The following AGK variants were observed in gnomAD, a reference collection of about 807,000 sequenced individuals.
AGK encodes acylglycerol kinase, mitochondrial.
In AGK, 52 loss-of-function variants were observed where a neutral mutation model predicts 66.4. That is an observed-to-expected ratio of 0.78 (90% confidence interval 0.63 to 0.99). The LOEUF is 0.99. AGK is among the 50% of genes least tolerant of loss of function. The probability of loss-of-function intolerance (pLI) is 0.00; values close to 1 mark genes in which losing one functional copy is unlikely to be tolerated. For missense variants in AGK, 451 were observed against 506.6 expected, an observed-to-expected ratio of 0.89 and a Z score of 1.05; for synonymous variants, 182 against 181.1, an observed-to-expected ratio of 1.00 and a Z score of -0.04.
chr7:141,615,399 C>T (rs1317686242), intron 7 of AGK, 72 bp from the exon 8 acceptor site: 3 of 1,229,082 alleles, frequency 2.4e-6, no homozygotes, highest in African/African-American at 1.5e-5. Flanking sequence ...ATAGTGGACA[C>T]ACCTGTGCTT....
At chr7:141,641,740 A>T in intron 12 of AGK, 71 bp from the exon 13 acceptor site, 1 of 1,265,380 alleles carries the variant, frequency 7.9e-7, no homozygotes. Flanking sequence ...AGCAGCTAGC[A>T]GCTAGCCGTC....
At position 141,598,130 on chromosome 7, in the gene AGK, A is replaced by T. The variant is rs1187426601; in HGVS notation, c.221+1489A>T. Among the ~76,000 whole-genome samples, 1 of 152,094 alleles carries T rather than the reference A, an allele frequency of 6.6e-6. No individual in the cohort carries two copies. The highest frequency in any genetic ancestry group is 1.5e-5 in the Non-Finnish European group (1 of 68,020). On this transcript the variant is annotated intron_variant, in intron 4 of 15. Transcript: ENST00000649286. The surrounding 1 kb of genome is among the most constrained non-coding windows in gnomAD (Gnocchi z 4.2). ...AGAGGCAGTGAGTGTGACTTCACAG[A>T]CAGGAGGACACATCCTGCTTTATTT...
intron 2 of AGK, among the ~76,000 whole-genome samples, chr7:141,562,890 G>C (rs746993820): frequency 6.6e-6 from 1 of 152,214 alleles, no homozygotes; most frequent in African/African-American, 2.4e-5. Flanking sequence ...TTGAGCTGGA[G>C]ACTGTGTGCC....
intron 2 of AGK, among the ~76,000 whole-genome samples, chr7:141,575,785 A>G (rs1300253544): frequency 6.6e-6 from 1 of 151,068 alleles, no homozygotes; most frequent in Non-Finnish European, 1.5e-5. Context: ...AATATTTGGA[A>G]GCCATGGTTA....
In AGK at chr7:141,653,734, G is replaced by GTATT. The variant is rs1797621239; in HGVS notation, c.*812_*815dup. On this transcript the variant is annotated 3_prime_UTR_variant, in exon 16 of 16. Transcript: ENST00000649286. ...GTATTCTGCTCATGTGCCCCCAAAAGTATTTTGAAAAATCATGTATACCCT... is the reference window on the plus strand; with the variant it reads ...GTATTCTGCTCATGTGCCCCCAAAAGTATTTATTTTGAAAAATCATGTATACCCT... 2 of 152,082 alleles carry GTATT rather than the reference G, an allele frequency of 1.3e-5. No homozygotes were observed. 9.4% of individuals were successfully genotyped at this position (152,082 alleles called of 1,614,324 possible).
intron 5 of AGK, among the ~76,000 whole-genome samples, chr7:141,607,061 A>G (rs1796479233): frequency 6.6e-6 from 1 of 152,056 alleles, no homozygotes; most frequent in African/African-American, 2.4e-5. Flanking sequence ...TCACCTACTG[A>G]AGTACATCTT....
Position 141,575,049 on chromosome 7 carries a change from TC to T in AGK, c.102-18095del, listed in dbSNP as rs375857185. On this transcript the variant is annotated intron_variant, in intron 2 of 15. Transcript: ENST00000649286. ...TGGGGTTAGGTTTAGCTGGGCTTTT[TC>T]CTAAACCCACTTGCAGGGAAGAAAA... Among the ~76,000 whole-genome samples, 31 of 152,356 alleles carry T rather than the reference TC, an allele frequency of 2.0e-4. No individual in the cohort carries two copies. The East Asian group carries it at 4.8e-3, about 24-fold the overall frequency.
intron 13 of AGK, among the ~76,000 whole-genome samples, chr7:141,645,730 T>C (rs1006564978): frequency 1.1e-4 from 16 of 152,188 alleles, no homozygotes; most frequent in African/African-American, 2.2e-4. Context: ...TTGCTAAGCA[T>C]TTTTATCTTT....
chr7:141,602,209 G>GTGTGTGTGTGTGTGTGTGTGTGTA (rs1796363745), intron 5 of AGK, among the ~76,000 whole-genome samples: 2 of 151,278 alleles, frequency 1.3e-5, no homozygotes, highest in African/African-American at 4.9e-5. Flanking sequence ...GTGTGTGTGT[G>GTGTGTGTGTGTGTGTGTGTGTGTA]TGTATGTAGA....
chr7:141,577,697 C>T (rs750488949), intron 2 of AGK, among the ~76,000 whole-genome samples: 1 of 152,090 alleles, frequency 6.6e-6, no homozygotes, highest in Non-Finnish European at 1.5e-5. Context: ...TGAGGCTTCA[C>T]CCCAGTGTGC....
intron 2 of AGK, among the ~76,000 whole-genome samples, chr7:141,565,487 C>T (rs1299059761): frequency 6.6e-6 from 1 of 152,038 alleles, no homozygotes; most frequent in African/African-American, 2.4e-5. Flanking sequence ...CCTATCTCTA[C>T]TAAAAATACA....
intron 2 of AGK, among the ~76,000 whole-genome samples, chr7:141,557,793 T>G (rs1002538606): frequency 4.6e-5 from 7 of 152,230 alleles, no homozygotes; most frequent in African/African-American, 1.7e-4. Context: ...TTTCTTTTTC[T>G]CAGACTGTTC....
At chr7:141,589,887 C>CA (rs1796073508) in intron 2 of AGK, among the ~76,000 whole-genome samples, 1 of 152,108 alleles carries the variant, frequency 6.6e-6, no homozygotes, top group African/African-American at 2.4e-5. Context: ...ATAATGAGAT[C>CA]TTCTTTTGTA....
rs1257899505 is a variant in AGK at position 141,598,224 on chromosome 7, T to A, written c.221+1583T>A. 6.6e-6 allele frequency among the ~76,000 whole-genome samples: 1 copy of A among 152,220 alleles called. No homozygotes were observed. The highest frequency in any genetic ancestry group is 2.4e-5 in the African/African-American group (1 of 41,456). On this transcript the variant is annotated intron_variant, in intron 4 of 15. Coordinates refer to ENST00000649286, the MANE Select transcript of AGK (RefSeq NM_018238.4). The surrounding 1 kb of genome is among the most constrained non-coding windows in gnomAD (Gnocchi z 4.2). ...TTCTGCCTAACTGAATCATATCTGC[T>A]GGGCTTTGTTAGAGCCGCTTCCCTC...
chr7:141,571,400 A>T (rs942082844), intron 2 of AGK, among the ~76,000 whole-genome samples: 35 of 152,230 alleles, frequency 2.3e-4, no homozygotes, highest in Non-Finnish European at 3.7e-4. Context: ...ACTGAGTCAG[A>T]ATCTGCTTTT....
chr7:141,601,257 G>A lies in AGK; in HGVS notation c.274G>A (p.Gly92Ser). 6.2e-7 allele frequency: 1 copy of A among 1,612,814 alleles called. No homozygotes were observed. Among genetic ancestry groups the A allele is most frequent in the South Asian group, 1.1e-5 (1 of 90,978 alleles). ...KNAAPILHLS[G>S]MDVTIVKTDY... ...TGCTGCCCCGATTTTACATTTATCT[G>A]GCATGGATGTGACTATTGTTAAGGT... Residue 92 changes from glycine to serine, a missense_variant, in exon 5 of 16, where the codon GGC (glycine) becomes AGC (serine). By Grantham distance (56) the Gly-to-Ser change is moderately conservative. Transcript: ENST00000649286.
chr7:141,607,639 C>T (rs1209854945), intron 5 of AGK, among the ~76,000 whole-genome samples: 4 of 151,960 alleles, frequency 2.6e-5, no homozygotes. Flanking sequence ...TTAAATTTTA[C>T]TGAATTTTAA....
intron 5 of AGK, among the ~76,000 whole-genome samples, chr7:141,609,060 T>A (rs1310801703): frequency 6.6e-6 from 1 of 152,236 alleles, no homozygotes; most frequent in East Asian, 1.9e-4. Flanking sequence ...ATTTTTAGAA[T>A]AAAAGTGGAA....
At chr7:141,583,556 G>C (rs941898731) in intron 2 of AGK, among the ~76,000 whole-genome samples, 1 of 151,124 alleles carries the variant, frequency 6.6e-6, no homozygotes. Context: ...AGAAGGGGTG[G>C]GGGGTGCTTG....
Sources: gnomAD v4.1 joint callset for allele counts (sites outside exome capture counted in the v4.1 genomes callset) on GRCh38, gnomAD v4.1.1 for gene constraint, Gnocchi (gnomAD v3.1) non-coding constraint, MANE v1.5 for transcripts, NCBI Gene and HGNC (gene_info 2026-07-23, HGNC 2026-07-21) for gene names.